NOTCH2: variants seen among roughly 807,000 people sequenced by gnomAD.
NOTCH2 encodes the protein neurogenic locus notch homolog protein 2.
NOTCH2 carries 29 observed loss-of-function variants against 235.8 expected under a neutral mutation model. That is an observed-to-expected ratio of 0.12 (90% CI 0.09 to 0.17). NOTCH2 has a LOEUF of 0.17. Ranked by LOEUF, NOTCH2 falls within the 10% of genes least tolerant of loss-of-function variation. The pLI is 1.00. For missense variants in NOTCH2, 2,285 were observed against 3,150.2 expected (o/e 0.73, Z 6.57); for synonymous variants, 1,086 against 1,141.5 (o/e 0.95, Z 0.98).
At chr1:119,923,307 G>A in intron 26 of NOTCH2, among the ~76,000 whole-genome samples, 1 of 152,228 alleles carries the variant, frequency 6.6e-6, no homozygotes. Flanking sequence ...CTAAAGAAGG[G>A]CCTTAACAAT....
At chr1:119,935,850 A>G (rs1405223498) in intron 21 of NOTCH2, among the ~76,000 whole-genome samples, 1 of 152,228 alleles carries the variant, frequency 6.6e-6, no homozygotes, top group Non-Finnish European at 1.5e-5. Context: ...GAAGGCAAGG[A>G]CTGAATACAA....
chr1:120,041,063 A>AAG (rs1654538266), intron 1 of NOTCH2, among the ~76,000 whole-genome samples: 4 of 111,960 alleles, frequency 3.6e-5, no homozygotes, highest in South Asian at 5.9e-4. Flanking sequence ...AAAAAAAAAA[A>AAG]AAAAAAAAAT....
chr1:119,979,518 A>C (rs1213537857), intron 5 of NOTCH2, among the ~76,000 whole-genome samples: 1 of 152,210 alleles, frequency 6.6e-6, no homozygotes, highest in Non-Finnish European at 1.5e-5. Context: ...AAATCAAAAG[A>C]CATTTTTTGA....
chr1:119,968,360 C>G, intron 6 of NOTCH2, 128 bp from the exon 7 acceptor site: 1 of 1,058,352 alleles, frequency 9.4e-7, no homozygotes, highest in Non-Finnish European at 1.4e-6. Context: ...GATTTATACG[C>G]AACTTCTGCT....
chr1:120,034,313 T>TGCAG (rs1419640330), intron 1 of NOTCH2, among the ~76,000 whole-genome samples: 1 of 131,000 alleles, frequency 7.6e-6, no homozygotes, highest in East Asian at 2.1e-4. Context: ...CTGCTGTTTG[T>TGCAG]GCAGGCCCTC....
intron 21 of NOTCH2, among the ~76,000 whole-genome samples, chr1:119,936,774 C>T (rs1649864418): frequency 6.6e-6 from 1 of 152,136 alleles, no homozygotes; most frequent in Non-Finnish European, 1.5e-5. Context: ...AAAATAGTGA[C>T]ATGTACCTTG....
intron 12 of NOTCH2, among the ~76,000 whole-genome samples, chr1:119,956,885 A>G (rs1553198406): frequency 6.6e-6 from 1 of 152,198 alleles, no homozygotes; most frequent in African/African-American, 2.4e-5. Context: ...GGAAGGTCCT[A>G]CCCTCAAGGA....
chr1:119,974,683 C>G (rs1356750343), intron 5 of NOTCH2, among the ~76,000 whole-genome samples: 2 of 152,184 alleles, frequency 1.3e-5, no homozygotes, highest in Non-Finnish European at 2.9e-5. Flanking sequence ...GCTGCTCTGT[C>G]CACCTGAAAC....
At chr1:120,000,077 A>G (rs1206438792) in intron 3 of NOTCH2, among the ~76,000 whole-genome samples, 1 of 152,138 alleles carries the variant, frequency 6.6e-6, no homozygotes, top group East Asian at 1.9e-4. Context: ...TGGTTTCCAT[A>G]TATATTATGT....
rs1375879248 is a variant in NOTCH2, at chr1:119,913,528, T to G, written c.*1778A>C. ...TGGGCATCACAGCACTGGACGGAAG[T>G]TGCAGTGTAGCCATGGACCAATTAT... On this transcript the variant is annotated 3_prime_UTR_variant, in exon 34 of 34. Coordinates refer to ENST00000256646, the MANE Select transcript of NOTCH2 (RefSeq NM_024408.4). 1 of 233,094 alleles carries G rather than the reference T, an allele frequency of 4.3e-6. No individual in the cohort carries two copies. Among genetic ancestry groups the G allele is most frequent in the Non-Finnish European group, 8.5e-6 (1 of 118,026 alleles). 14.4% of individuals were successfully genotyped at this position (233,094 alleles called of 1,614,324 possible). A position where few individuals can be genotyped will look rare whatever the true frequency, so the allele number is the denominator to read the frequency against.
At chr1:119,951,585 C>T (rs1045897213) in intron 14 of NOTCH2, among the ~76,000 whole-genome samples, 5 of 152,222 alleles carry the variant, frequency 3.3e-5, no homozygotes, top group African/African-American at 1.2e-4. Context: ...ATGTCTACCA[C>T]CCATGTGGTA....
chr1:119,940,579 CA>C lies in NOTCH2; in HGVS notation c.3158del (p.Leu1053ArgfsTer12). 6.2e-7 allele frequency: 1 copy of C among 1,613,884 alleles called. No individual in the cohort carries two copies. Among genetic ancestry groups the C allele is most frequent in the Non-Finnish European group, 8.5e-7 (1 of 1,179,914 alleles). ...CCTGACAGTTTTTCCCAGTGTAGCCCAGGGGGCAGCTGCAGCGGTAGGTACC... is the reference window on the plus strand; with the variant it reads ...CCTGACAGTTTTTCCCAGTGTAGCCCGGGGGCAGCTGCAGCGGTAGGTACC... Reference protein sequence around the residue: ...GLGTYRCSCPLGYTGKNCQTL... With the variant: ...GLGTYRCSCPXGYTGKNCQTL... On this transcript the variant is annotated frameshift_variant, in exon 19 of 34. Coordinates refer to ENST00000256646, the MANE Select transcript of NOTCH2 (RefSeq NM_024408.4). LOFTEE classifies it high-confidence loss of function.
At chr1:119,951,447 C>T (rs944637184) in intron 14 of NOTCH2, among the ~76,000 whole-genome samples, 3 of 152,206 alleles carry the variant, frequency 2.0e-5, no homozygotes, top group Non-Finnish European at 4.4e-5. Flanking sequence ...CCATCGCACC[C>T]AGCCAATAGC....
intron 33 of NOTCH2, 60 bp downstream of exon 33, chr1:119,917,605 T>C (rs1649130727): frequency 9.3e-7 from 1 of 1,078,148 alleles, no homozygotes; most frequent in East Asian, 2.4e-5. Context: ...GAAACGGGAA[T>C]GGGCTTATAA....
chr1:119,921,459 A>T (rs1218552725), intron 29 of NOTCH2, among the ~76,000 whole-genome samples: 2 of 152,240 alleles, frequency 1.3e-5, no homozygotes, highest in Non-Finnish European at 2.9e-5. Context: ...TACTGCCAGC[A>T]TAACACTAAA....
chr1:119,983,014 A>G (rs1313708866), intron 5 of NOTCH2, among the ~76,000 whole-genome samples: 1 of 152,206 alleles, frequency 6.6e-6, no homozygotes, highest in Non-Finnish European at 1.5e-5. Flanking sequence ...CTGAAATATA[A>G]TGAGAGTAAC....
chr1:119,966,296 C>T (rs1651130971), intron 9 of NOTCH2, 80 bp downstream of exon 9: 2 of 919,560 alleles, frequency 2.2e-6, no homozygotes, highest in South Asian at 1.3e-5. Context: ...AGCCCACACA[C>T]ATTCTCTCCC....
chr1:119,923,729 C>T lies in NOTCH2; in HGVS notation c.4767G>A (p.Val1589=), dbSNP rs1280532690. Residue 1589 remains valine, a synonymous_variant, in exon 26 of 34, where the codon GTG becomes GTA. Transcript: ENST00000256646. ...CTGACTTCTCACCATAATAGGGGTA[C>T]ACCATGAGTTCCCCCTGGGAGTCCC... ...IKRDSQGELM[V]YPYYGEKSAA... is the part of the protein sequence containing the mutation. 3 of 1,614,188 alleles carry T rather than the reference C, an allele frequency of 1.9e-6. No homozygotes were observed. Among genetic ancestry groups the T allele is most frequent in the Admixed American group, 1.7e-5 (1 of 60,026 alleles).
chr1:119,967,301 G>A, intron 8 of NOTCH2, 132 bp downstream of exon 8: 2 of 875,700 alleles, frequency 2.3e-6, no homozygotes, highest in Non-Finnish European at 1.9e-6. Flanking sequence ...ACTTCCTCTA[G>A]TCCCCAGTCA....
Sources: allele counts gnomAD v4.1 joint callset (sites outside exome capture counted in the v4.1 genomes callset), GRCh38; gene constraint gnomAD v4.1.1; transcripts MANE v1.5; gene names NCBI Gene and HGNC (gene_info 2026-07-23, HGNC 2026-07-21).